Variants in MRPL1 observed in about 807,000 individuals in gnomAD.
MRPL1 encodes mitochondrial ribosomal protein L1, also known as large ribosomal subunit protein uL1m.
Under a neutral mutation model 38.0 loss-of-function variants are expected in MRPL1, and 28 were observed. That is an observed-to-expected ratio of 0.74 (90% CI 0.55 to 1.01). MRPL1 has a LOEUF of 1.01. Among genes scored for constraint, MRPL1 ranks in the 50% least tolerant of loss-of-function variants. The pLI, the probability that MRPL1 is intolerant of heterozygous loss-of-function variation, is 0.00. For synonymous variants in MRPL1, 123 were observed against 126.7 expected (o/e 0.97, Z 0.20); for missense variants, 358 against 389.8 (o/e 0.92, Z 0.69).
chr4:77,871,856 G>A lies in MRPL1; in HGVS notation c.143+1G>A. The stretch of plus-strand genomic sequence containing the variant: ...ACAGACATTTTGCTGCTGCTACAAA[G>A]TAAGTATTTTTTTTTAGTTATTATT... On this transcript the variant is annotated splice_donor_variant, in intron 2 of 8. Transcript: ENST00000315567. LOFTEE classifies it high-confidence loss of function. 4 of 1,568,802 alleles carry A rather than the reference G, an allele frequency of 2.5e-6. No homozygotes were observed. Among genetic ancestry groups the A allele is most frequent in the Non-Finnish European group, 3.5e-6 (4 of 1,152,974 alleles).
intron 7 of MRPL1, among the ~76,000 whole-genome samples, chr4:77,923,912 A>T (rs1272995176): frequency 6.6e-6 from 1 of 152,018 alleles, no homozygotes; most frequent in Non-Finnish European, 1.5e-5. Context: ...GAAGCAAGAG[A>T]ATCGCTTGAA....
chr4:77,893,593 T>A, intron 5 of MRPL1, among the ~76,000 whole-genome samples: 1 of 152,208 alleles, frequency 6.6e-6, no homozygotes, highest in East Asian at 1.9e-4. Flanking sequence ...TAAGTGAACT[T>A]GTCTTTGATC....
chr4:77,883,635 T>C (rs1233354818), intron 3 of MRPL1, 135 bp downstream of exon 3: 8 of 863,544 alleles, frequency 9.3e-6, no homozygotes, highest in Non-Finnish European at 1.4e-5. Context: ...TGGAGTGCGG[T>C]GGTATGATCT....
At chr4:77,907,282 T>C (rs1736178441) in intron 6 of MRPL1, 1 of 563,408 alleles carries the variant, frequency 1.8e-6, no homozygotes, top group Non-Finnish European at 2.2e-6. Context: ...AATGACTAAA[T>C]CTTAGGAGAG....
intron 6 of MRPL1, among the ~76,000 whole-genome samples, chr4:77,897,860 T>G (rs1251809093): frequency 6.6e-6 from 1 of 152,226 alleles, no homozygotes; most frequent in Non-Finnish European, 1.5e-5. Context: ...TTTTCTAAAT[T>G]TCTGCCCCTT....
chr4:77,945,644 TAA>T (rs941796910), intron 7 of MRPL1, among the ~76,000 whole-genome samples: 67 of 151,878 alleles, frequency 4.4e-4, no homozygotes, highest in African/African-American at 1.5e-3. Flanking sequence ...GGCTGAGAAA[TAA>T]AGAGTATAAA....
intron 1 of MRPL1, among the ~76,000 whole-genome samples, chr4:77,870,059 A>G (rs988018299): frequency 1.3e-5 from 2 of 151,702 alleles, no homozygotes; most frequent in Admixed American, 1.3e-4. Flanking sequence ...CACCGTCGCT[A>G]ATTTTTAAAT....
At chr4:77,922,011 A>G (rs1736592097) in intron 7 of MRPL1, among the ~76,000 whole-genome samples, 1 of 152,358 alleles carries the variant, frequency 6.6e-6, no homozygotes, top group Non-Finnish European at 1.5e-5. Context: ...TACATCAACA[A>G]AGTAGACAAC....
chr4:77,935,582 G>A (rs1013606759), intron 7 of MRPL1, among the ~76,000 whole-genome samples: 5 of 152,058 alleles, frequency 3.3e-5, no homozygotes, highest in Non-Finnish European at 7.4e-5. Context: ...TTTTAGTAGA[G>A]ATAGGGTTTC....
chr4:77,889,364 C>A (rs1014870098), intron 5 of MRPL1, among the ~76,000 whole-genome samples: 4 of 152,202 alleles, frequency 2.6e-5, no homozygotes, highest in African/African-American at 9.7e-5. Context: ...AACTGAACAA[C>A]CTGCTCCTGA....
intron 2 of MRPL1, among the ~76,000 whole-genome samples, chr4:77,877,903 TG>T (rs945204304): frequency 2.7e-5 from 4 of 147,778 alleles, no homozygotes; most frequent in African/African-American, 1.0e-4. Flanking sequence ...TGCAACTGGC[TG>T]GGGGGTGGGG....
At chr4:77,929,632 C>T (rs1275291531) in intron 7 of MRPL1, among the ~76,000 whole-genome samples, 1 of 152,028 alleles carries the variant, frequency 6.6e-6, no homozygotes, top group Non-Finnish European at 1.5e-5. Flanking sequence ...ATAGCTTATA[C>T]CACAGCTTGT....
chr4:77,897,907 C>A (rs1302723305), intron 6 of MRPL1, among the ~76,000 whole-genome samples: 1 of 152,162 alleles, frequency 6.6e-6, no homozygotes, highest in Non-Finnish European at 1.5e-5. Flanking sequence ...GTATGAAAGA[C>A]TCCATTAATG....
chr4:77,932,881 T>G (rs1332067913), intron 7 of MRPL1, among the ~76,000 whole-genome samples: 1 of 151,748 alleles, frequency 6.6e-6, no homozygotes, highest in Non-Finnish European at 1.5e-5. Flanking sequence ...TTGGGACCAC[T>G]TGTGTAGGGT....
chr4:77,924,232 G>GTGGTGTA lies in MRPL1; in HGVS notation c.777+14862_777+14863insGTGTATG, dbSNP rs35402019. Among the ~76,000 whole-genome samples the GTGGTGTA allele has an allele frequency of 0.012, 132 of 10,906 alleles. 1 individual carries two copies. The African/African-American group carries it at 0.2, about 17-fold the overall frequency. The allele number at this position is 10,906 out of a possible 152,430, so 7.2% of individuals were successfully genotyped here. A position where few individuals can be genotyped will look rare whatever the true frequency, so the allele number is the denominator to read the frequency against. ...CTATAGTTATTGGTACTATTAATCA[G>GTGGTGTA]TGTGTTTCGTGCCATTTTTATCTGG... is the stretch of plus-strand genomic sequence containing the variant. On this transcript the variant is annotated intron_variant, in intron 7 of 8. Transcript: ENST00000315567.
At chr4:77,876,477 G>A (rs1396848021) in intron 2 of MRPL1, among the ~76,000 whole-genome samples, 1 of 151,986 alleles carries the variant, frequency 6.6e-6, no homozygotes, top group Non-Finnish European at 1.5e-5. Context: ...TTTTAAATGT[G>A]CTTTTCAAAA....
chr4:77,943,805 T>G (rs561996307), intron 7 of MRPL1, among the ~76,000 whole-genome samples: 5 of 152,280 alleles, frequency 3.3e-5, no homozygotes, highest in African/African-American at 1.2e-4. Context: ...TTTCATTAAG[T>G]TGGACTTCAC....
chr4:77,928,356 G>A lies in MRPL1; in HGVS notation c.777+18984G>A, dbSNP rs544902291. Among the ~76,000 whole-genome samples, 19 of 152,276 alleles carry A rather than the reference G, an allele frequency of 1.2e-4. No homozygotes were observed. In the South Asian group the frequency reaches 3.3e-3, roughly 27 times the overall value. ...TATTTTGAAGCAACTGGGTCCATAG[G>A]TTGAAATAGTAGCTAGCCAGGAATA... is the stretch of plus-strand genomic sequence containing the variant. On this transcript the variant is annotated intron_variant, in intron 7 of 8. Transcript: ENST00000315567.
At chr4:77,922,541 C>T (rs1244230330) in intron 7 of MRPL1, among the ~76,000 whole-genome samples, 2 of 152,148 alleles carry the variant, frequency 1.3e-5, no homozygotes, top group Non-Finnish European at 2.9e-5. Context: ...AAGCAGAGTC[C>T]AGTTAAGGGT....
Sources: gnomAD v4.1 joint callset for allele counts (sites outside exome capture counted in the v4.1 genomes callset) on GRCh38, gnomAD v4.1.1 for gene constraint, MANE v1.5 for transcripts, NCBI Gene and HGNC (gene_info 2026-07-23, HGNC 2026-07-21) for gene names.